Variants in PPFIA2 observed in about 807,000 individuals in gnomAD.
PPFIA2 encodes PPFI scaffold protein A2, also known as liprin-alpha-2.
A neutral mutation model predicts 175.5 loss-of-function variants in PPFIA2; 46 were observed. The observed-to-expected ratio is 0.26, with a 90% CI of 0.21 to 0.34. The LOEUF is 0.34. PPFIA2 is among the 10% of genes least tolerant of loss of function. The probability of loss-of-function intolerance (pLI) is 1.00; values close to 1 mark genes in which losing one functional copy is unlikely to be tolerated. For missense variants in PPFIA2, 1,179 were observed against 1,506.1 expected, an observed-to-expected ratio of 0.78 and a Z score of 3.60; for synonymous variants, 568 against 511.4, an observed-to-expected ratio of 1.11 and a Z score of -1.49.
At chr12:81,691,154 G>T (rs930141449) in intron 3 of PPFIA2, among the ~76,000 whole-genome samples, 3 of 152,104 alleles carry the variant, frequency 2.0e-5, no homozygotes, top group Non-Finnish European at 4.4e-5. Flanking sequence ...AGTTAGAACA[G>T]GCTTGGCCTG....
intron 3 of PPFIA2, among the ~76,000 whole-genome samples, chr12:81,706,188 C>A (rs947260878): frequency 6.6e-6 from 1 of 152,036 alleles, no homozygotes; most frequent in South Asian, 2.1e-4. Context: ...TTGTCCAATA[C>A]GGAGTTTGCA....
At chr12:81,347,170 T>C (rs530416118) in intron 18 of PPFIA2, among the ~76,000 whole-genome samples, 1 of 152,176 alleles carries the variant, frequency 6.6e-6, no homozygotes, top group East Asian at 1.9e-4. Flanking sequence ...TAGGCTAGTC[T>C]TGAAATCCTT....
chr12:81,443,729 C>T (rs185716888), intron 6 of PPFIA2, among the ~76,000 whole-genome samples: 2 of 151,744 alleles, frequency 1.3e-5, no homozygotes, highest in Admixed American at 6.6e-5. Flanking sequence ...TGGATAGGTC[C>T]TTCTCTTCTT....
chr12:81,299,978 C>T (rs542978388), intron 22 of PPFIA2, among the ~76,000 whole-genome samples: 4 of 152,200 alleles, frequency 2.6e-5, no homozygotes, highest in African/African-American at 7.2e-5. Context: ...CACTCGAAAG[C>T]AATGTAAGGT....
At chr12:81,674,137 C>T (rs752807793) in intron 4 of PPFIA2, among the ~76,000 whole-genome samples, 1 of 151,954 alleles carries the variant, frequency 6.6e-6, no homozygotes, top group Non-Finnish European at 1.5e-5. Flanking sequence ...GTACCCACAG[C>T]AAAATTTGCA....
At chr12:81,664,562 A>T (rs2069701442) in intron 4 of PPFIA2, among the ~76,000 whole-genome samples, 1 of 152,102 alleles carries the variant, frequency 6.6e-6, no homozygotes, top group African/African-American at 2.4e-5. Context: ...GATGTGGAGA[A>T]ATAGGAACAC....
At chr12:81,628,616 T>C (rs1026625507) in intron 4 of PPFIA2, among the ~76,000 whole-genome samples, 19 of 152,136 alleles carry the variant, frequency 1.2e-4, no homozygotes, top group Non-Finnish European at 2.5e-4. Flanking sequence ...TGACCTCAAG[T>C]GTTCCATTTG....
In PPFIA2 at chr12:81,277,315, A is replaced by G; in HGVS notation, c.3310+2T>C. ...ATTTCATATGAAAGAAAGATATATT[A>G]CCTTTTATTTCATGTTGGCTTGCTT... On this transcript the variant is annotated splice_donor_variant, in intron 28 of 32. Coordinates refer to ENST00000549396, the MANE Select transcript of PPFIA2 (RefSeq NM_003625.5). LOFTEE classifies it high-confidence loss of function. The G allele has an allele frequency of 6.5e-7, 1 of 1,549,750 alleles. No individual in the cohort carries two copies. The highest frequency in any genetic ancestry group is 8.7e-7 in the Non-Finnish European group (1 of 1,147,682).
intron 4 of PPFIA2, among the ~76,000 whole-genome samples, chr12:81,636,242 T>A (rs1030194584): frequency 6.6e-6 from 1 of 151,828 alleles, no homozygotes; most frequent in Non-Finnish European, 1.5e-5. Context: ...TAAATCTGAT[T>A]GTATCAATCA....
At chr12:81,410,379 G>C (rs914914410) in intron 7 of PPFIA2, among the ~76,000 whole-genome samples, 4 of 152,024 alleles carry the variant, frequency 2.6e-5, no homozygotes, top group African/African-American at 4.8e-5. Flanking sequence ...GGCTGGGATA[G>C]GAAGCATAAT....
At chr12:81,635,576 T>C (rs1224880872) in intron 4 of PPFIA2, among the ~76,000 whole-genome samples, 1 of 152,150 alleles carries the variant, frequency 6.6e-6, no homozygotes, top group Non-Finnish European at 1.5e-5. Context: ...ACCTCAGACC[T>C]GGCAGCTGAA....
intron 4 of PPFIA2, among the ~76,000 whole-genome samples, chr12:81,569,254 T>G (rs2071992950): frequency 6.6e-6 from 1 of 151,576 alleles, no homozygotes; most frequent in Admixed American, 6.6e-5. Context: ...ATACCTAGCA[T>G]TAGATTTCTT....
intron 22 of PPFIA2, among the ~76,000 whole-genome samples, chr12:81,316,879 A>C (rs1050438080): frequency 6.6e-6 from 1 of 151,740 alleles, no homozygotes; most frequent in African/African-American, 2.4e-5. Context: ...TTTAAATCAC[A>C]GCCCTATTCT....
At chr12:81,371,906 CACAA>C (rs1422410342) in intron 11 of PPFIA2, among the ~76,000 whole-genome samples, 3 of 143,466 alleles carry the variant, frequency 2.1e-5, no homozygotes, top group African/African-American at 8.0e-5. Flanking sequence ...CACACACACA[CACAA>C]ACACACACAC....
chr12:81,423,120 G>C (rs1159091115), intron 7 of PPFIA2, among the ~76,000 whole-genome samples: 1 of 152,066 alleles, frequency 6.6e-6, no homozygotes, highest in Non-Finnish European at 1.5e-5. Flanking sequence ...TAAGGGGATT[G>C]AATCAGTAAT....
intron 3 of PPFIA2, among the ~76,000 whole-genome samples, chr12:81,717,586 T>C (rs1301749435): frequency 2.0e-5 from 3 of 151,718 alleles, no homozygotes; most frequent in African/African-American, 7.3e-5. Flanking sequence ...AATAAACCAG[T>C]GTGCTGCTCT....
At chr12:81,416,798 C>T (rs1231423311) in intron 7 of PPFIA2, among the ~76,000 whole-genome samples, 1 of 151,504 alleles carries the variant, frequency 6.6e-6, no homozygotes, top group Admixed American at 6.6e-5. Flanking sequence ...AATTATCTCC[C>T]CAACTACAAT....
At chr12:81,613,818 T>A (rs188761636) in intron 4 of PPFIA2, among the ~76,000 whole-genome samples, 26 of 152,298 alleles carry the variant, frequency 1.7e-4, no homozygotes, top group African/African-American at 5.8e-4. Flanking sequence ...GCTGTTTTGC[T>A]TCTCTGTGAG....
intron 4 of PPFIA2, among the ~76,000 whole-genome samples, chr12:81,658,777 G>C (rs2068239386): frequency 6.6e-6 from 1 of 151,856 alleles, no homozygotes; most frequent in South Asian, 2.1e-4. Flanking sequence ...AGAAACAAAT[G>C]TATGTCTAAT....
Sources: allele counts gnomAD v4.1 joint callset (sites outside exome capture counted in the v4.1 genomes callset), GRCh38; gene constraint gnomAD v4.1.1; transcripts MANE v1.5; gene names NCBI Gene and HGNC (gene_info 2026-07-23, HGNC 2026-07-21).